AGAP1: variants seen among roughly 807,000 people sequenced by gnomAD.
The protein encoded by AGAP1 is ArfGAP with GTPase domain, ankyrin repeat and PH domain 1, also known as arf-GAP with GTPase, ANK repeat and PH domain-containing protein 1.
Under a neutral mutation model 105.3 loss-of-function variants are expected in AGAP1, and 29 were observed. The observed-to-expected ratio is 0.28, with a 90% confidence interval of 0.21 to 0.38. The LOEUF is 0.38. Ranked by LOEUF, AGAP1 falls within the 10% of genes least tolerant of loss-of-function variation. The pLI, the probability that AGAP1 is intolerant of heterozygous loss-of-function variation, is 1.00. For synonymous variants in AGAP1, 509 were observed against 485.9 expected (o/e 1.05, Z -0.63); for missense variants, 998 against 1,165.1 (o/e 0.86, Z 2.09).
In AGAP1 at chr2:236,005,268, C is replaced by T. The variant is rs978511345; in HGVS notation, c.1646-31293C>T. Among the ~76,000 whole-genome samples, 2 of 152,100 alleles carry T rather than the reference C, an allele frequency of 1.3e-5. No individual in the cohort carries two copies. Among genetic ancestry groups the T allele is most frequent in the African/African-American group, 4.8e-5 (2 of 41,424 alleles). ...TCAAGCGATTCTTGCCCCTCAGCCTCCCAAATAGCTGGGACTACAGGAGTG... is the reference window on the plus strand; with the variant it reads ...TCAAGCGATTCTTGCCCCTCAGCCTTCCAAATAGCTGGGACTACAGGAGTG... On this transcript the variant is annotated intron_variant, in intron 13 of 17. Coordinates refer to ENST00000304032, the MANE Select transcript of AGAP1 (RefSeq NM_001037131.3). This position sits in a 1 kb window ranked among gnomAD's most constrained non-coding sequence, Gnocchi z 4.1.
chr2:235,525,608 AG>A (rs1942803917), intron 1 of AGAP1, among the ~76,000 whole-genome samples: 2 of 150,796 alleles, frequency 1.3e-5, no homozygotes, highest in African/African-American at 4.9e-5. Flanking sequence ...CATAATGTGG[AG>A]GACTGATTTA....
chr2:236,037,908 G>A (rs13024834), intron 14 of AGAP1, among the ~76,000 whole-genome samples: 37,604 of 152,040 alleles, frequency 0.25, 5,579 homozygotes, highest in South Asian at 0.47. Flanking sequence ...GTTACCCACC[G>A]ACCTGCAGTT....
chr2:235,661,761 T>TG (rs1406170720), intron 1 of AGAP1, among the ~76,000 whole-genome samples: 1 of 152,114 alleles, frequency 6.6e-6, no homozygotes, highest in Admixed American at 6.5e-5. Context: ...GATCCGCCTT[T>TG]GGGGCATGCC....
At chr2:235,802,838 T>TGG (rs1957579743) in intron 8 of AGAP1, among the ~76,000 whole-genome samples, 1 of 133,590 alleles carries the variant, frequency 7.5e-6, no homozygotes, top group Non-Finnish European at 1.6e-5. Context: ...GTGATGATGG[T>TGG]TATGGTTGTG....
intron 13 of AGAP1, among the ~76,000 whole-genome samples, chr2:236,018,656 A>T (rs1051914504): frequency 4.6e-5 from 7 of 152,248 alleles, no homozygotes; most frequent in Non-Finnish European, 7.3e-5. Flanking sequence ...TGGGATGCCA[A>T]GCCCATTCCC....
rs1236843627 is a variant in AGAP1, at chr2:235,893,775, A to G, written c.1155+10326A>G. 6.6e-6 allele frequency among the ~76,000 whole-genome samples: 1 copy of G among 152,154 alleles called. No individual in the cohort carries two copies. On this transcript the variant is annotated intron_variant, in intron 10 of 17. Transcript: ENST00000304032. The surrounding 1 kb of genome is among the most constrained non-coding windows in gnomAD (Gnocchi z 4.7). ...AGGTATTGCTTAGTACACACCGGTC[A>G]CAGTGACTTGAGTGCCACCACAATG...
rs1017015684 is a variant in AGAP1 at position 236,053,928 on chromosome 2, T to C, written c.2114+4647T>C. On this transcript the variant is annotated intron_variant, in intron 16 of 17. Coordinates refer to ENST00000304032, the MANE Select transcript of AGAP1 (RefSeq NM_001037131.3). This position sits in a 1 kb window ranked among gnomAD's most constrained non-coding sequence, Gnocchi z 4.6. Reference sequence around the variant, plus strand: ...TTTCCCTTTTTTAGCATCCTTTTTCTTTTTCTTCCCCCCATTATTTGTAAG... The same window carrying C: ...TTTCCCTTTTTTAGCATCCTTTTTCCTTTTCTTCCCCCCATTATTTGTAAG... 6.6e-6 allele frequency among the ~76,000 whole-genome samples: 1 copy of C among 152,236 alleles called. No homozygotes were observed. Among genetic ancestry groups the C allele is most frequent in the African/African-American group, 2.4e-5 (1 of 41,470 alleles).
chr2:235,545,130 G>A (rs183363277), intron 1 of AGAP1, among the ~76,000 whole-genome samples: 30 of 152,250 alleles, frequency 2.0e-4, no homozygotes, highest in Admixed American at 7.2e-4. Flanking sequence ...ACTCCATGTG[G>A]TCCATGATAT....
At chr2:235,613,646 A>G (rs1226915848) in intron 1 of AGAP1, among the ~76,000 whole-genome samples, 1 of 152,238 alleles carries the variant, frequency 6.6e-6, no homozygotes, top group East Asian at 1.9e-4. Context: ...AATGGTAAGG[A>G]AGAGAATAAA....
At position 235,691,412 on chromosome 2, in the gene AGAP1, GA is replaced by G. The variant is rs1949729429; in HGVS notation, c.164-17765del. Among the ~76,000 whole-genome samples the G allele has an allele frequency of 6.6e-6, 1 of 152,224 alleles. No homozygotes were observed. The highest frequency in any genetic ancestry group is 6.5e-5 in the Admixed American group (1 of 15,280). On this transcript the variant is annotated intron_variant, in intron 1 of 17. Coordinates refer to ENST00000304032, the MANE Select transcript of AGAP1 (RefSeq NM_001037131.3). The surrounding 1 kb of genome is among the most constrained non-coding windows in gnomAD (Gnocchi z 4.4). ...GAATTGTTACACGTCTCCGTTGCGA[GA>G]AGCAAAAGTAGATTTAACACATCTT...
chr2:235,587,863 C>T (rs1945171938), intron 1 of AGAP1, among the ~76,000 whole-genome samples: 1 of 152,276 alleles, frequency 6.6e-6, no homozygotes, highest in East Asian at 1.9e-4. Flanking sequence ...CCAGGTCCTG[C>T]TGCTCCTTCC....
At chr2:236,049,909 G>A (rs1318754340) in intron 16 of AGAP1, 1 of 152,296 alleles carries the variant, frequency 6.6e-6, no homozygotes, top group African/African-American at 2.4e-5. Context: ...CATATTTAAT[G>A]TTCCTAAGGG....
At chr2:236,064,301 G>A (rs1032124687) in intron 16 of AGAP1, among the ~76,000 whole-genome samples, 10 of 152,104 alleles carry the variant, frequency 6.6e-5, no homozygotes, top group Non-Finnish European at 1.2e-4. Flanking sequence ...ACTCCTACAC[G>A]TGAAAATTTG....
In AGAP1 at chr2:236,003,487, G is replaced by A. The variant is rs977329201; in HGVS notation, c.1646-33074G>A. Among the ~76,000 whole-genome samples the A allele has an allele frequency of 6.6e-6, 1 of 152,208 alleles. No individual in the cohort carries two copies. Among genetic ancestry groups the A allele is most frequent in the Non-Finnish European group, 1.5e-5 (1 of 68,022 alleles). On this transcript the variant is annotated intron_variant, in intron 13 of 17. Coordinates refer to ENST00000304032, the MANE Select transcript of AGAP1 (RefSeq NM_001037131.3). This position sits in a 1 kb window ranked among gnomAD's most constrained non-coding sequence, Gnocchi z 4.2. ...CACGTCCTCCTCATGGCCACGCTGGGATGGAGGTGGACTCTGAGCACAGAC... is the reference window on the plus strand; with the variant it reads ...CACGTCCTCCTCATGGCCACGCTGGAATGGAGGTGGACTCTGAGCACAGAC...
Position 235,788,738 on chromosome 2 carries a change from A to C in AGAP1, c.674-9021A>C, listed in dbSNP as rs1956797494. Among the ~76,000 whole-genome samples, 1 of 152,030 alleles carries C rather than the reference A, an allele frequency of 6.6e-6. No homozygotes were observed. The highest frequency in any genetic ancestry group is 2.4e-5 in the African/African-American group (1 of 41,382). The stretch of plus-strand genomic sequence containing the variant: ...ATCATTTGGAGCCCCTTCTTTCCCA[A>C]ATGGTGGGGAGAAGTGCTGGCGGAA... On this transcript the variant is annotated intron_variant, in intron 6 of 17. Transcript: ENST00000304032. The surrounding 1 kb of genome is among the most constrained non-coding windows in gnomAD (Gnocchi z 6.0).
rs1217127847 is a variant in AGAP1 at position 236,046,831 on chromosome 2, A to G, written c.1892-2228A>G. Reference sequence around the variant, plus strand: ...AATCCAGAGAGGTCGTTGACCAAAAAGGTATCAGAAGTTAGCACTGGCCCA... The same window carrying G: ...AATCCAGAGAGGTCGTTGACCAAAAGGGTATCAGAAGTTAGCACTGGCCCA... On this transcript the variant is annotated intron_variant, in intron 15 of 17. Transcript: ENST00000304032. This position sits in a 1 kb window ranked among gnomAD's most constrained non-coding sequence, Gnocchi z 5.2. Among the ~76,000 whole-genome samples the G allele has an allele frequency of 6.6e-6, 1 of 152,152 alleles. No homozygotes were observed. Among genetic ancestry groups the G allele is most frequent in the African/African-American group, 2.4e-5 (1 of 41,430 alleles).
chr2:235,683,004 T>A (rs1949169288), intron 1 of AGAP1, among the ~76,000 whole-genome samples: 1 of 152,038 alleles, frequency 6.6e-6, no homozygotes, highest in Non-Finnish European at 1.5e-5. Context: ...AGTAAATTCT[T>A]CCCTTTAAGA....
At chr2:235,812,308 G>A (rs1215183047) in intron 9 of AGAP1, among the ~76,000 whole-genome samples, 1 of 152,188 alleles carries the variant, frequency 6.6e-6, no homozygotes, top group Non-Finnish European at 1.5e-5. Flanking sequence ...AGGAAGAGCC[G>A]GCCTGCCCGG....
chr2:235,524,321 C>T (rs1942746193), intron 1 of AGAP1: 1 of 170,056 alleles, frequency 5.9e-6, no homozygotes, highest in Non-Finnish European at 1.4e-5. Context: ...GTCCTGCCTT[C>T]TTATCCGGTT....
Sources: allele counts gnomAD v4.1 joint callset (sites outside exome capture counted in the v4.1 genomes callset), GRCh38; gene constraint gnomAD v4.1.1; non-coding constraint Gnocchi (gnomAD v3.1); transcripts MANE v1.5; gene names NCBI Gene and HGNC (gene_info 2026-07-23, HGNC 2026-07-21).